The following PTPRD variants were observed in gnomAD, a reference collection of about 807,000 sequenced individuals.
PTPRD encodes protein tyrosine phosphatase receptor type D.
Under a neutral mutation model 214.5 loss-of-function variants are expected in PTPRD, and 34 were observed. The observed-to-expected ratio is 0.16, with a 90% CI of 0.12 to 0.21. The LOEUF (loss-of-function observed/expected upper bound fraction) is 0.21. PTPRD is among the 10% of genes least tolerant of loss of function. PTPRD has a pLI of 1.00. For missense variants in PTPRD, 2,545 were observed against 2,398.7 expected (o/e 1.06, Z -1.27); for synonymous variants, 1,128 against 845.7 (o/e 1.33, Z -5.79).
chr9:10,223,667 C>T (rs1212743938), intron 3 of PTPRD, among the ~76,000 whole-genome samples: 2 of 94,514 alleles, frequency 2.1e-5, no homozygotes, highest in Middle Eastern at 6.0e-3. Context: ...GAGATTCTGT[C>T]TCAAATAATA....
In PTPRD at chr9:10,612,433, A is replaced by C. The variant is rs1044136416; in HGVS notation, c.-635T>G. ...GCTCCAGTCCTCCTTGGAAACCCTG[A>C]GGAGTCTTCTCTTTTCTTTCCTACC... On this transcript the variant is annotated 5_prime_UTR_variant, in exon 2 of 46. Transcript: ENST00000381196. 6.6e-6 allele frequency: 1 copy of C among 152,304 alleles called. No homozygotes were observed. Among genetic ancestry groups the C allele is most frequent in the African/African-American group, 2.4e-5 (1 of 41,460 alleles). 9.4% of individuals were successfully genotyped at this position (152,304 alleles called of 1,614,324 possible). A position where few individuals can be genotyped will look rare whatever the true frequency, so the allele number is the denominator to read the frequency against.
intron 11 of PTPRD, among the ~76,000 whole-genome samples, chr9:8,852,565 G>T (rs568926159): frequency 1.3e-5 from 2 of 152,194 alleles, no homozygotes; most frequent in Non-Finnish European, 2.9e-5. Flanking sequence ...TTTGCTCGTC[G>T]CAGGTGAAGA....
chr9:8,439,615 T>C, intron 34 of PTPRD, among the ~76,000 whole-genome samples: 1 of 152,160 alleles, frequency 6.6e-6, no homozygotes, highest in Non-Finnish European at 1.5e-5. Context: ...GGCATAAAAA[T>C]AATCATCAAG....
chr9:9,340,952 C>T (rs923862764), intron 9 of PTPRD, among the ~76,000 whole-genome samples: 1 of 152,148 alleles, frequency 6.6e-6, no homozygotes, highest in East Asian at 1.9e-4. Flanking sequence ...ATACACAGAC[C>T]TCTTCTAACA....
intron 7 of PTPRD, among the ~76,000 whole-genome samples, chr9:9,617,226 G>A (rs1472036544): frequency 6.6e-6 from 1 of 152,120 alleles, no homozygotes; most frequent in Non-Finnish European, 1.5e-5. Flanking sequence ...AACCAGAATG[G>A]ATAAACTGCT....
intron 4 of PTPRD, among the ~76,000 whole-genome samples, chr9:9,956,153 A>G (rs944821151): frequency 6.6e-6 from 1 of 152,158 alleles, no homozygotes; most frequent in African/African-American, 2.4e-5. Flanking sequence ...TAAATATAAT[A>G]CATTTTCCTT....
At position 9,193,053 on chromosome 9, in the gene PTPRD, G is replaced by T. The variant is rs573720992; in HGVS notation, c.-202-9690C>A. ...ACAGAATGTTCCATTCCTCTGTTTT[G>T]CTTGTCTATTTAAAGGCATATGACC... On this transcript the variant is annotated intron_variant, in intron 9 of 45. Transcript: ENST00000381196. 1.1e-4 allele frequency among the ~76,000 whole-genome samples: 17 copies of T among 152,132 alleles called. No homozygotes were observed. The South Asian group carries it at 3.5e-3, about 32-fold the overall frequency.
intron 4 of PTPRD, among the ~76,000 whole-genome samples, chr9:9,949,493 ACTT>A (rs140563917): frequency 0.053 from 8,070 of 152,088 alleles, 393 homozygotes; most frequent in East Asian, 0.15. Flanking sequence ...TCATGTGGAT[ACTT>A]CTTCTTTGCA....
intron 2 of PTPRD, among the ~76,000 whole-genome samples, chr9:10,406,152 T>G (rs2098354238): frequency 6.6e-6 from 1 of 151,336 alleles, no homozygotes; most frequent in Admixed American, 6.6e-5. Flanking sequence ...AGAGAAATAT[T>G]CCTCTAGCTG....
intron 3 of PTPRD, among the ~76,000 whole-genome samples, chr9:10,147,035 C>A (rs2099027866): frequency 6.6e-6 from 1 of 151,960 alleles, no homozygotes; most frequent in Admixed American, 6.6e-5. Flanking sequence ...CTACCCCGTG[C>A]CAAAATGAGA....
chr9:8,474,646 T>A (rs944456804), intron 30 of PTPRD, among the ~76,000 whole-genome samples: 2 of 152,160 alleles, frequency 1.3e-5, no homozygotes, highest in African/African-American at 4.8e-5. Context: ...GTCCTTCCAT[T>A]TTCCACAGTA....
At chr9:8,905,481 G>T (rs1226244467) in intron 11 of PTPRD, among the ~76,000 whole-genome samples, 1 of 152,032 alleles carries the variant, frequency 6.6e-6, no homozygotes, top group Non-Finnish European at 1.5e-5. Flanking sequence ...GCTCACATCT[G>T]TAATCCCAAT....
chr9:8,499,159 T>C (rs1283144975), intron 25 of PTPRD, among the ~76,000 whole-genome samples: 1 of 152,176 alleles, frequency 6.6e-6, no homozygotes, highest in Non-Finnish European at 1.5e-5. Context: ...AAATATGTAA[T>C]TTGATGAAGA....
At chr9:10,107,740 C>T (rs2098648930) in intron 3 of PTPRD, among the ~76,000 whole-genome samples, 1 of 152,120 alleles carries the variant, frequency 6.6e-6, no homozygotes, top group African/African-American at 2.4e-5. Flanking sequence ...GCTAAATAAA[C>T]ATTTGTTGCA....
rs185355138 is a variant in PTPRD at position 10,523,029 on chromosome 9, C to G, written c.-600+89369G>C. ...ATCAATTTTTTGATGAAATATTCCT[C>G]TTACAGCCAAACACCTGTTTCACGT... On this transcript the variant is annotated intron_variant, in intron 2 of 45. Transcript: ENST00000381196. Among the ~76,000 whole-genome samples the G allele has an allele frequency of 2.0e-5, 3 of 152,014 alleles. No individual in the cohort carries two copies. In the East Asian group the frequency reaches 5.8e-4, roughly 30 times the overall value.
rs1188955721 is a variant in PTPRD, at chr9:9,722,252, T to G, written c.-287+12281A>C. Among the ~76,000 whole-genome samples, 3 of 152,040 alleles carry G rather than the reference T, an allele frequency of 2.0e-5. No homozygotes were observed. The East Asian group carries it at 5.8e-4, about 29-fold the overall frequency. On this transcript the variant is annotated intron_variant, in intron 7 of 45. Coordinates refer to ENST00000381196, the MANE Select transcript of PTPRD (RefSeq NM_002839.4). ...TCAGCAGACAGCCTCTTCTTCTTCC[T>G]CAGCTCTTGGCAACCAAATCTATGG...
intron 19 of PTPRD, 79 bp from the exon 20 acceptor site, chr9:8,521,625 A>G (rs1244705565): frequency 6.8e-7 from 1 of 1,463,386 alleles, no homozygotes; most frequent in African/African-American, 1.4e-5. Flanking sequence ...CATGCACCGT[A>G]CAGACACGAT....
intron 12 of PTPRD, among the ~76,000 whole-genome samples, chr9:8,692,302 G>A (rs961453886): frequency 3.3e-5 from 5 of 152,084 alleles, no homozygotes; most frequent in Non-Finnish European, 4.4e-5. Context: ...TGAATTGTAC[G>A]GAGGCTTTGC....
At chr9:10,354,977 T>G (rs922657649) in intron 2 of PTPRD, among the ~76,000 whole-genome samples, 1 of 152,212 alleles carries the variant, frequency 6.6e-6, no homozygotes, top group Non-Finnish European at 1.5e-5. Context: ...ATTTGCTAAA[T>G]AGATGTATAC....
Sources: gnomAD v4.1 joint callset for allele counts (sites outside exome capture counted in the v4.1 genomes callset) on GRCh38, gnomAD v4.1.1 for gene constraint, MANE v1.5 for transcripts, NCBI Gene and HGNC (gene_info 2026-07-23, HGNC 2026-07-21) for gene names.